The following SEC63 variants were observed in gnomAD, a reference collection of about 807,000 sequenced individuals.
SEC63 encodes SEC63 protein translocation regulator.
SEC63 carries 56 observed loss-of-function variants against 116.2 expected under a neutral mutation model. That is an observed-to-expected ratio of 0.48 (90% confidence interval 0.39 to 0.60). SEC63 has a LOEUF of 0.60. SEC63 is among the 20% of genes least tolerant of loss of function. The pLI, the probability that SEC63 is intolerant of heterozygous loss-of-function variation, is 0.00. For missense variants in SEC63, 668 were observed against 900.0 expected (o/e 0.74, Z 3.30); for synonymous variants, 273 against 294.6 (o/e 0.93, Z 0.75).
At chr6:107,941,503 A>C (rs77369863) in intron 1 of SEC63, among the ~76,000 whole-genome samples, 2 of 145,482 alleles carry the variant, frequency 1.4e-5, no homozygotes, top group African/African-American at 5.0e-5. Context: ...ACCGTGTCTC[A>C]AAAAAAAAAA....
At chr6:107,874,514 T>C (rs1392465039) in intron 19 of SEC63, among the ~76,000 whole-genome samples, 1 of 145,362 alleles carries the variant, frequency 6.9e-6, no homozygotes, top group Non-Finnish European at 1.5e-5. Context: ...GAGAATGGCG[T>C]GAACCCGGGA....
At chr6:107,921,671 C>CA (rs1787559433) in intron 4 of SEC63, 126 bp downstream of exon 4, 3 of 729,852 alleles carry the variant, frequency 4.1e-6, no homozygotes, top group Non-Finnish European at 7.5e-6. Context: ...GGGATGGTCT[C>CA]AAACTCCTGG....
At chr6:107,891,069 A>G (rs946671637) in intron 16 of SEC63, among the ~76,000 whole-genome samples, 16 of 152,080 alleles carry the variant, frequency 1.1e-4, no homozygotes, top group Non-Finnish European at 2.4e-4. Context: ...TTCTCGAGGA[A>G]TATCTTTGTG....
rs1168230554 is a variant in SEC63, at chr6:107,953,494, G to A, written c.124+4392C>T. Reference sequence around the variant, plus strand: ...TGGGAAGTGAGGAGCCCCTCTGCCCGGCCAGCCGCCCCGTCCGGGAGGGAG... The same window carrying A: ...TGGGAAGTGAGGAGCCCCTCTGCCCAGCCAGCCGCCCCGTCCGGGAGGGAG... On this transcript the variant is annotated intron_variant, in intron 1 of 20. Coordinates refer to ENST00000369002, the MANE Select transcript of SEC63 (RefSeq NM_007214.5). Among the ~76,000 whole-genome samples, 26 of 142,692 alleles carry A rather than the reference G, an allele frequency of 1.8e-4. No homozygotes were observed. In the South Asian group the frequency reaches 5.9e-3, roughly 32 times the overall value. 93.6% of individuals were successfully genotyped at this position (142,692 alleles called of 152,430 possible). A position where few individuals can be genotyped will look rare whatever the true frequency, so the allele number is the denominator to read the frequency against.
chr6:107,941,139 A>G (rs1770365828), intron 1 of SEC63, among the ~76,000 whole-genome samples: 1 of 152,194 alleles, frequency 6.6e-6, no homozygotes, highest in Non-Finnish European at 1.5e-5. Flanking sequence ...CAATTCATTG[A>G]GCTGAAAGGG....
Position 107,879,325 on chromosome 6 carries a change from G to A in SEC63, c.1935+1824C>T, listed in dbSNP as rs150699670. ...ATTATAGGCACCCGCCACCACGCCC[G>A]GCTAATGTTTTTATTTTTGAGACAG... On this transcript the variant is annotated intron_variant, in intron 18 of 20. Transcript: ENST00000369002. Among the ~76,000 whole-genome samples the A allele has an allele frequency of 4.3e-3, 655 of 152,010 alleles. 5 individuals carry two copies. Among genetic ancestry groups the A allele is most frequent in the African/African-American group, 0.015 (616 of 41,466 alleles).
chr6:107,894,283 G>A (rs568521963), intron 14 of SEC63, among the ~76,000 whole-genome samples: 8 of 152,196 alleles, frequency 5.3e-5, no homozygotes, highest in Admixed American at 2.6e-4. Context: ...TGTGATGTGC[G>A]AAATAACAAC....
intron 14 of SEC63, 36 bp downstream of exon 14, chr6:107,897,613 A>T: frequency 7.5e-7 from 1 of 1,334,590 alleles, no homozygotes; most frequent in Non-Finnish European, 1.1e-6. Context: ...TTGACACACA[A>T]CTCTTAAAGC....
At chr6:107,884,144 C>A (rs1344941489) in intron 16 of SEC63, among the ~76,000 whole-genome samples, 1 of 151,710 alleles carries the variant, frequency 6.6e-6, no homozygotes, top group Non-Finnish European at 1.5e-5. Context: ...GTGGCACATG[C>A]CTGTAATCTC....
intron 1 of SEC63, among the ~76,000 whole-genome samples, chr6:107,934,981 G>A (rs576082203): frequency 6.5e-4 from 76 of 117,706 alleles, no homozygotes; most frequent in African/African-American, 2.2e-3. Flanking sequence ...CGCCCCGTCC[G>A]GCAGGGAGGT....
chr6:107,937,074 T>G (rs1322244856), intron 1 of SEC63, among the ~76,000 whole-genome samples: 1 of 152,136 alleles, frequency 6.6e-6, no homozygotes, highest in African/African-American at 2.4e-5. Flanking sequence ...TAAAGGACAT[T>G]TCATTCTTTT....
intron 19 of SEC63, among the ~76,000 whole-genome samples, chr6:107,874,559 G>C (rs907037061): frequency 2.9e-5 from 4 of 136,452 alleles, no homozygotes; most frequent in South Asian, 2.3e-4. Flanking sequence ...TCATGCCACT[G>C]CACTCCAGCC....
At chr6:107,892,318 T>C (rs999412856) in intron 16 of SEC63, among the ~76,000 whole-genome samples, 2 of 152,122 alleles carry the variant, frequency 1.3e-5, no homozygotes, top group Admixed American at 6.6e-5. Flanking sequence ...CAAAGTGCCA[T>C]TACAATTTAC....
At chr6:107,899,085 T>C (rs761862799) in intron 13 of SEC63, among the ~76,000 whole-genome samples, 1 of 152,206 alleles carries the variant, frequency 6.6e-6, no homozygotes, top group Non-Finnish European at 1.5e-5. Context: ...GTGAAATAAC[T>C]ACATGAATGC....
At chr6:107,951,919 G>A (rs1770587152) in intron 1 of SEC63, among the ~76,000 whole-genome samples, 2 of 149,434 alleles carry the variant, frequency 1.3e-5, no homozygotes, top group Admixed American at 1.3e-4. Context: ...CTTGCAGTGA[G>A]CTGAGACCGC....
At chr6:107,944,363 G>T (rs1007465611) in intron 1 of SEC63, among the ~76,000 whole-genome samples, 1 of 152,100 alleles carries the variant, frequency 6.6e-6, no homozygotes, top group Non-Finnish European at 1.5e-5. Flanking sequence ...TGGAAATGTG[G>T]GTTAAGCACT....
chr6:107,957,902 G>A lies in SEC63; in HGVS notation c.108C>T (p.Pro36=), dbSNP rs202122513. 1.3e-5 allele frequency: 21 copies of A among 1,612,682 alleles called. No individual in the cohort carries two copies. In the East Asian group the frequency reaches 4.7e-4, roughly 36 times the overall value. The change falls in exon 1 of 21, where the codon CCC becomes CCT. Residue 36 remains proline, a synonymous_variant. Transcript: ENST00000369002. ...GGGACTCACCGGCATTCTGATCTCG[G>A]GGCCAGAGGTAGTATGTCGCCGGGA... ...IVIPATYYLW[P]RDQNAEQIRL...
At chr6:107,921,933 A>G in intron 3 of SEC63, 24 bp from the exon 4 acceptor site, 1 of 1,340,236 alleles carries the variant, frequency 7.5e-7, no homozygotes, top group Non-Finnish European at 1.1e-6. Context: ...AAAAAAAAAA[A>G]CAAGCTTTCT....
chr6:107,921,349 T>C (rs903451176), intron 4 of SEC63, among the ~76,000 whole-genome samples: 6 of 152,214 alleles, frequency 3.9e-5, no homozygotes, highest in Non-Finnish European at 8.8e-5. Flanking sequence ...ATTACCACGT[T>C]AGTGCTGCTG....
Sources: gnomAD v4.1 joint callset for allele counts (sites outside exome capture counted in the v4.1 genomes callset) on GRCh38, gnomAD v4.1.1 for gene constraint, MANE v1.5 for transcripts, NCBI Gene and HGNC (gene_info 2026-07-23, HGNC 2026-07-21) for gene names.